NCEH1: variants seen among roughly 807,000 people sequenced by gnomAD.
NCEH1 encodes the protein 2-acetyl MAGE hydrolase.
NCEH1 carries 9 observed loss-of-function variants against 25.4 expected under a neutral mutation model. That is an observed-to-expected ratio of 0.35 (90% CI 0.21 to 0.62). The LOEUF is 0.62. Among genes scored for constraint, NCEH1 ranks in the 20% least tolerant of loss-of-function variants. The probability of loss-of-function intolerance (pLI) is 0.72; values close to 1 mark genes in which losing one functional copy is unlikely to be tolerated. For synonymous variants in NCEH1, 200 were observed against 199.8 expected, an observed-to-expected ratio of 1.00 and a Z score of -0.01; for missense variants, 412 against 501.1, an observed-to-expected ratio of 0.82 and a Z score of 1.70.
Position 172,633,791 on chromosome 3 carries a change from A to G in NCEH1, c.911T>C (p.Val304Ala). 1.9e-6 allele frequency: 3 copies of G among 1,614,248 alleles called. No homozygotes were observed. The highest frequency in any genetic ancestry group is 2.5e-6 in the Non-Finnish European group (3 of 1,180,050). Residue 304 changes from valine (V) to alanine (A), a missense_variant, in exon 5 of 5, where the codon GTA becomes GCA. Coordinates refer to ENST00000475381, the MANE Select transcript of NCEH1 (RefSeq NM_020792.6). ...ASFTKNYKPV[V>A]QTTGNARIVQ... ...AATCCTGGCATTGCCTGTGGTCTGT[A>G]CAACAGGCTTGTAGTTCTTTGTGAA...
At chr3:172,636,868 TG>T (rs1375183131) in intron 3 of NCEH1, among the ~76,000 whole-genome samples, 2 of 152,152 alleles carry the variant, frequency 1.3e-5, no homozygotes, top group African/African-American at 4.8e-5. Flanking sequence ...ACATCTACAT[TG>T]GCAATCTTGG....
At chr3:172,643,389 A>C (rs1228287612) in intron 3 of NCEH1, among the ~76,000 whole-genome samples, 2 of 152,254 alleles carry the variant, frequency 1.3e-5, no homozygotes, top group East Asian at 3.9e-4. Context: ...TTCTAAACAT[A>C]CAGGAAGGGT....
chr3:172,633,133 T>C lies in NCEH1; in HGVS notation c.*342A>G, dbSNP rs188594518. 278 of 254,944 alleles carry C rather than the reference T, an allele frequency of 1.1e-3. 1 individual carries two copies. Among genetic ancestry groups the C allele is most frequent in the African/African-American group, 5.9e-3 (261 of 44,154 alleles). The allele number at this position is 254,944 out of a possible 1,614,324, so 15.8% of individuals were successfully genotyped here. On this transcript the variant is annotated 3_prime_UTR_variant, in exon 5 of 5. Transcript: ENST00000475381. ...CTCTATGATCCAGAGCTGGAAGAAC[T>C]GCTTCTAAAAAGAACGTCCTAATGA... is the stretch of plus-strand genomic sequence containing the variant.
intron 1 of NCEH1, among the ~76,000 whole-genome samples, chr3:172,688,632 A>G (rs2108526465): frequency 6.6e-6 from 1 of 152,326 alleles, no homozygotes; most frequent in South Asian, 2.1e-4. Flanking sequence ...TGTATTTTTA[A>G]TATCTTTATA....
chr3:172,657,878 C>G (rs1014963607), intron 1 of NCEH1, among the ~76,000 whole-genome samples: 5 of 152,158 alleles, frequency 3.3e-5, no homozygotes, highest in African/African-American at 1.2e-4. Context: ...ATGCTGAAAC[C>G]AGCTCTTGCT....
intron 1 of NCEH1, among the ~76,000 whole-genome samples, chr3:172,649,235 CAT>C (rs201062775): frequency 1.8e-4 from 27 of 151,208 alleles, no homozygotes; most frequent in East Asian, 1.7e-3. Flanking sequence ...TATATACATA[CAT>C]ATATATATAT....
chr3:172,652,870 A>AT (rs33937237), intron 1 of NCEH1, among the ~76,000 whole-genome samples: 5,438 of 139,752 alleles, frequency 0.039, 267 homozygotes, highest in African/African-American at 0.12. Context: ...TAATTTTTGT[A>AT]TTTTTTTTTT....
intron 1 of NCEH1, among the ~76,000 whole-genome samples, chr3:172,707,773 A>T (rs1714088789): frequency 6.6e-6 from 1 of 152,106 alleles, no homozygotes; most frequent in Non-Finnish European, 1.5e-5. Flanking sequence ...TTTTTAGTAG[A>T]GACGAGGTTT....
intron 1 of NCEH1, among the ~76,000 whole-genome samples, chr3:172,690,446 T>A (rs1216930867): frequency 1.3e-5 from 2 of 152,170 alleles, no homozygotes; most frequent in African/African-American, 4.8e-5. Context: ...TCTGGAAAAG[T>A]GTGTAGCAAA....
chr3:172,672,290 G>A (rs986824711), intron 1 of NCEH1, among the ~76,000 whole-genome samples: 3 of 152,036 alleles, frequency 2.0e-5, no homozygotes, highest in East Asian at 1.9e-4. Flanking sequence ...AGTTTCAAAC[G>A]CCCGACCTCA....
Position 172,633,836 on chromosome 3 carries a change from G to C in NCEH1, c.866C>G (p.Thr289Arg). ...AAAVRARLNW[T>R]SLLPASFTKN... ...TGTGAAGGATGCAGGCAAGAGGGAT[G>C]TCCAGTTTAGACGGGCCCTGACAGC... Residue 289 changes from threonine to arginine, a missense_variant, in exon 5 of 5, where the codon ACA becomes AGA. Coordinates refer to ENST00000475381, the MANE Select transcript of NCEH1 (RefSeq NM_020792.6). The C allele has an allele frequency of 6.2e-7, 1 of 1,614,234 alleles. No individual in the cohort carries two copies. The highest frequency in any genetic ancestry group is 8.5e-7 in the Non-Finnish European group (1 of 1,180,044).
At chr3:172,668,451 T>C (rs1001463967) in intron 1 of NCEH1, among the ~76,000 whole-genome samples, 3 of 139,960 alleles carry the variant, frequency 2.1e-5, no homozygotes, top group African/African-American at 8.0e-5. Flanking sequence ...GCCTCCCAGG[T>C]TCAAGCGATT....
At chr3:172,640,690 G>A (rs1223747685) in intron 3 of NCEH1, among the ~76,000 whole-genome samples, 1 of 152,126 alleles carries the variant, frequency 6.6e-6, no homozygotes. Flanking sequence ...TGTATTTTTA[G>A]TAGAGATGGG....
chr3:172,699,529 G>A (rs1437089299), intron 1 of NCEH1, among the ~76,000 whole-genome samples: 3 of 152,180 alleles, frequency 2.0e-5, no homozygotes, highest in Non-Finnish European at 2.9e-5. Flanking sequence ...AATGCAGCCT[G>A]AGCATCCGTC....
chr3:172,699,497 C>A (rs1713565707), intron 1 of NCEH1, among the ~76,000 whole-genome samples: 1 of 152,110 alleles, frequency 6.6e-6, no homozygotes, highest in Non-Finnish European at 1.5e-5. Context: ...CTTGATTAGG[C>A]CAAATGTGTG....
chr3:172,637,658 G>T (rs368268265), intron 3 of NCEH1, among the ~76,000 whole-genome samples: 1 of 152,166 alleles, frequency 6.6e-6, no homozygotes, highest in African/African-American at 2.4e-5. Flanking sequence ...GGAGGCAGAG[G>T]CAGTCAGATC....
rs543150099 is a variant in NCEH1, at chr3:172,680,254, G to A, written c.138+30593C>T. On this transcript the variant is annotated intron_variant, in intron 1 of 4. Transcript: ENST00000475381. ...AAGGTAATGGGTGAGGCATCTTGGG[G>A]CAACACTGCTAAGAGGACGACTTGT... Among the ~76,000 whole-genome samples the A allele has an allele frequency of 2.0e-5, 3 of 152,284 alleles. No homozygotes were observed. The East Asian group carries it at 5.8e-4, about 29-fold the overall frequency.
chr3:172,648,324 C>CA (rs1376482372), intron 1 of NCEH1, among the ~76,000 whole-genome samples: 2 of 152,150 alleles, frequency 1.3e-5, no homozygotes, highest in Non-Finnish European at 2.9e-5. Context: ...CAGGTATCAT[C>CA]AGTCCCATTT....
At chr3:172,682,893 G>A (rs142469159) in intron 1 of NCEH1, among the ~76,000 whole-genome samples, 1 of 152,288 alleles carries the variant, frequency 6.6e-6, no homozygotes, top group East Asian at 1.9e-4. Context: ...TTAGAACATT[G>A]CTGTGAAAAT....
Sources: allele counts gnomAD v4.1 joint callset (sites outside exome capture counted in the v4.1 genomes callset), GRCh38; gene constraint gnomAD v4.1.1; transcripts MANE v1.5; gene names NCBI Gene and HGNC (gene_info 2026-07-23, HGNC 2026-07-21).